Variants in DLG2 observed in about 807,000 individuals in gnomAD.
DLG2 encodes disks large homolog 2.
DLG2 carries 45 observed loss-of-function variants against 132.5 expected under a neutral mutation model. The ratio of observed to expected loss-of-function variants is 0.34; its 90% CI spans 0.27 to 0.44. The LOEUF (loss-of-function observed/expected upper bound fraction) is 0.44, where lower values mean the gene tolerates loss of function less well. Among genes scored for constraint, DLG2 ranks in the 20% least tolerant of loss-of-function variants. The pLI, the probability that DLG2 is intolerant of heterozygous loss-of-function variation, is 1.00. For missense variants in DLG2, 1,045 were observed against 1,196.9 expected, an observed-to-expected ratio of 0.87 and a Z score of 1.87; for synonymous variants, 424 against 419.6, an observed-to-expected ratio of 1.01 and a Z score of -0.13.
chr11:84,773,420 T>C (rs2069773776), intron 6 of DLG2, among the ~76,000 whole-genome samples: 1 of 152,200 alleles, frequency 6.6e-6, no homozygotes, highest in Admixed American at 6.5e-5. Flanking sequence ...TAACTCATTC[T>C]ATGAGGCCAG....
intron 7 of DLG2, among the ~76,000 whole-genome samples, chr11:84,355,636 C>A (rs565004142): frequency 6.6e-6 from 1 of 152,138 alleles, no homozygotes; most frequent in East Asian, 1.9e-4. Flanking sequence ...AAACTAAGAA[C>A]TATGGTTATA....
At chr11:85,380,281 A>G (rs544862294) in intron 3 of DLG2, among the ~76,000 whole-genome samples, 3 of 152,232 alleles carry the variant, frequency 2.0e-5, no homozygotes, top group Non-Finnish European at 4.4e-5. Context: ...CCTTTTCAAA[A>G]ATCTCTGCAT....
chr11:85,214,300 A>T (rs1177638062), intron 4 of DLG2, among the ~76,000 whole-genome samples: 1 of 152,150 alleles, frequency 6.6e-6, no homozygotes, highest in Non-Finnish European at 1.5e-5. Context: ...AGTGTCAGCC[A>T]CTCAAGTCAT....
intron 3 of DLG2, among the ~76,000 whole-genome samples, chr11:85,583,300 G>A (rs1268305464): frequency 6.7e-6 from 1 of 149,554 alleles, no homozygotes; most frequent in East Asian, 2.0e-4. Context: ...CAAGAAGTTA[G>A]AACAACACAC....
intron 7 of DLG2, among the ~76,000 whole-genome samples, chr11:84,453,840 T>C (rs956629263): frequency 6.6e-6 from 1 of 151,648 alleles, no homozygotes; most frequent in African/African-American, 2.4e-5. Context: ...GCCTATCATA[T>C]GGTCTCTGTT....
In DLG2 at chr11:83,848,162, G is replaced by C. The variant is rs192125640; in HGVS notation, c.1566-14392C>G. ...TTTTTTAATCACGGCATCTTGTAAG[G>C]ACACTTATCTTACAGTAAATTAATT... is the stretch of plus-strand genomic sequence containing the variant. On this transcript the variant is annotated intron_variant, in intron 16 of 27. Transcript: ENST00000376104. Among the ~76,000 whole-genome samples the C allele has an allele frequency of 3.0e-3, 437 of 147,328 alleles. 3 individuals are homozygous for C. Among genetic ancestry groups the C allele is most frequent in the Non-Finnish European group, 4.4e-3 (293 of 67,294 alleles).
At chr11:85,273,679 T>C (rs534948730) in intron 4 of DLG2, among the ~76,000 whole-genome samples, 9 of 152,324 alleles carry the variant, frequency 5.9e-5, no homozygotes, top group African/African-American at 1.9e-4. Flanking sequence ...AGTTCAACCA[T>C]TGTGGAAGTC....
chr11:84,850,375 CT>C (rs67536654), intron 6 of DLG2, among the ~76,000 whole-genome samples: 48,384 of 151,892 alleles, frequency 0.32, 7,857 homozygotes, highest in Middle Eastern at 0.36. Context: ...CCCACTTCGA[CT>C]TTAGCAAAAC....
intron 21 of DLG2, among the ~76,000 whole-genome samples, chr11:83,519,637 A>G (rs1199279004): frequency 1.3e-5 from 2 of 152,244 alleles, no homozygotes; most frequent in Admixed American, 6.5e-5. Context: ...CCTGGCTTAT[A>G]TGTAATCTTC....
Position 85,209,445 on chromosome 11 carries a change from C to CATTTTTT in DLG2, c.187-54795_187-54794insAAAAAAT, listed in dbSNP as rs1424989906. On this transcript the variant is annotated intron_variant, in intron 4 of 27. Transcript: ENST00000376104. ...AACTTATGGGCACAAAGAAATCAGT[C>CATTTTTT]TTTTTTTTTTTTTTTTTTTTTTGAG... 9.4e-5 allele frequency among the ~76,000 whole-genome samples: 7 copies of CATTTTTT among 74,448 alleles called. 1 individual carries two copies. Among genetic ancestry groups the CATTTTTT allele is most frequent in the Non-Finnish European group, 1.4e-4 (6 of 42,536 alleles). 48.8% of individuals were successfully genotyped at this position (74,448 alleles called of 152,430 possible). A position where few individuals can be genotyped will look rare whatever the true frequency, so the allele number is the denominator to read the frequency against.
At chr11:85,482,571 T>G (rs2093323793) in intron 3 of DLG2, among the ~76,000 whole-genome samples, 1 of 152,132 alleles carries the variant, frequency 6.6e-6, no homozygotes. Flanking sequence ...ATCCAATCCC[T>G]AGGCCAGGTC....
intron 19 of DLG2, among the ~76,000 whole-genome samples, chr11:83,573,251 A>G (rs1050375817): frequency 5.3e-5 from 8 of 152,290 alleles, no homozygotes; most frequent in African/African-American, 1.7e-4. Flanking sequence ...GCAATTCCAA[A>G]TGGTGATTAT....
At chr11:84,977,081 T>C (rs923335299) in intron 6 of DLG2, among the ~76,000 whole-genome samples, 4 of 152,128 alleles carry the variant, frequency 2.6e-5, no homozygotes, top group African/African-American at 9.7e-5. Context: ...GTAATTCTGT[T>C]CAAGTGTTTA....
chr11:84,774,951 A>C (rs2153896468), intron 6 of DLG2, among the ~76,000 whole-genome samples: 1 of 152,262 alleles, frequency 6.6e-6, no homozygotes, highest in South Asian at 2.1e-4. Flanking sequence ...AATTAAACTA[A>C]AGATCTTTTG....
intron 3 of DLG2, among the ~76,000 whole-genome samples, chr11:85,397,691 C>T (rs192037671): frequency 6.6e-6 from 1 of 152,264 alleles, no homozygotes; most frequent in Non-Finnish European, 1.5e-5. Context: ...AAGGCCACTA[C>T]ATAATGGTAA....
Position 85,212,686 on chromosome 11 carries a change from C to A in DLG2, c.187-58035G>T, listed in dbSNP as rs1172628398. Among the ~76,000 whole-genome samples the A allele has an allele frequency of 2.0e-5, 3 of 152,148 alleles. No individual in the cohort carries two copies. The East Asian group carries it at 5.8e-4, about 29-fold the overall frequency. On this transcript the variant is annotated intron_variant, in intron 4 of 27. Transcript: ENST00000376104. Reference sequence around the variant, plus strand: ...ATCAAAGCACTCTCACATCTACTATCTCCTTATTTTCCCTCACTATAATCT... The same window carrying A: ...ATCAAAGCACTCTCACATCTACTATATCCTTATTTTCCCTCACTATAATCT...
chr11:85,212,405 G>T (rs1489018373), intron 4 of DLG2, among the ~76,000 whole-genome samples: 1 of 152,084 alleles, frequency 6.6e-6, no homozygotes, highest in Admixed American at 6.6e-5. Context: ...AAAAATGAAT[G>T]GGTTTGAGTT....
intron 3 of DLG2, among the ~76,000 whole-genome samples, chr11:85,525,786 A>G (rs1412677393): frequency 6.6e-6 from 1 of 152,208 alleles, no homozygotes; most frequent in African/African-American, 2.4e-5. Context: ...CAGTTTATGC[A>G]TGTAGTCTCT....
At chr11:84,540,334 C>T (rs923095633) in intron 6 of DLG2, among the ~76,000 whole-genome samples, 22 of 142,182 alleles carry the variant, frequency 1.5e-4, no homozygotes, top group Non-Finnish European at 3.1e-4. Context: ...AGAACTTAAA[C>T]AAATTTACAA....
Sources: gnomAD v4.1 joint callset for allele counts (sites outside exome capture counted in the v4.1 genomes callset) on GRCh38, gnomAD v4.1.1 for gene constraint, MANE v1.5 for transcripts, NCBI Gene and HGNC (gene_info 2026-07-23, HGNC 2026-07-21) for gene names.